CCND2: variants seen among roughly 807,000 people sequenced by gnomAD.
CCND2 encodes cyclin D2.
CCND2 carries 6 observed loss-of-function variants against 30.2 expected under a neutral mutation model. The ratio of observed to expected loss-of-function variants is 0.20; its 90% CI spans 0.11 to 0.39. CCND2 has a LOEUF of 0.39. Ranked by LOEUF, CCND2 falls within the 10% of genes least tolerant of loss-of-function variation. The pLI, the probability that CCND2 is intolerant of heterozygous loss-of-function variation, is 1.00. For missense variants in CCND2, 235 were observed against 373.4 expected (o/e 0.63, Z 3.06); for synonymous variants, 150 against 153.1 (o/e 0.98, Z 0.15).
chr12:4,299,935 C>A lies in CCND2; in HGVS notation c.796C>A (p.Arg266Ser). The change falls in exon 5 of 5, where the codon CGT (arginine) becomes AGT (serine). Residue 266 changes from arginine to serine, a missense_variant. Arg to Ser is a moderately radical substitution (Grantham distance 110, BLOSUM62 -1). Coordinates refer to ENST00000261254, the MANE Select transcript of CCND2 (RefSeq NM_001759.4). The surrounding 1 kb of genome is among the most constrained non-coding windows in gnomAD (Gnocchi z 5.2). The stretch of plus-strand genomic sequence containing the variant: ...CCTGCAGCAGTACCGTCAGGACCAA[C>A]GTGACGGATCCAAGTCGGAGGATGA... ...NSLQQYRQDQ[R>S]DGSKSEDELD... 6.2e-7 allele frequency: 1 copy of A among 1,614,136 alleles called. No individual in the cohort carries two copies. Among genetic ancestry groups the A allele is most frequent in the Non-Finnish European group, 8.5e-7 (1 of 1,180,014 alleles).
intron 4 of CCND2, among the ~76,000 whole-genome samples, chr12:4,296,819 A>G (rs1864176159): frequency 6.6e-6 from 1 of 152,246 alleles, no homozygotes; most frequent in Admixed American, 6.5e-5. Flanking sequence ...TTGCAAGAAA[A>G]AAAACAAAAC....
chr12:4,294,023 G>A (rs1591649808), intron 4 of CCND2, among the ~76,000 whole-genome samples: 1 of 152,300 alleles, frequency 6.6e-6, no homozygotes, highest in African/African-American at 2.4e-5. Flanking sequence ...AGTTGTCTCT[G>A]CCTGAGTTGG....
At chr12:4,279,495 C>T (rs1287268939) in intron 3 of CCND2, among the ~76,000 whole-genome samples, 1 of 151,548 alleles carries the variant, frequency 6.6e-6, no homozygotes, top group Non-Finnish European at 1.5e-5. Context: ...GGTTGGCTTT[C>T]GGTGAGGCTT....
intron 4 of CCND2, chr12:4,297,794 C>T (rs932110568): frequency 2.2e-6 from 1 of 445,792 alleles, no homozygotes; most frequent in Non-Finnish European, 4.5e-6. Context: ...AGGGATGTAA[C>T]CAGGAGATGC....
At position 4,285,329 on chromosome 12, in the gene CCND2, C is replaced by T. The variant is rs769890514; in HGVS notation, c.572-3513C>T. On this transcript the variant is annotated intron_variant, in intron 3 of 4. Coordinates refer to ENST00000261254, the MANE Select transcript of CCND2 (RefSeq NM_001759.4). The surrounding 1 kb of genome is among the most constrained non-coding windows in gnomAD (Gnocchi z 4.1). ...CTCACCTCTCCAGGTGGGCAATTAA[C>T]GATGGCGAGGGCACACCCTCACCCC... is the stretch of plus-strand genomic sequence containing the variant. 5.3e-5 allele frequency: 52 copies of T among 985,310 alleles called. 1 individual carries two copies. Among genetic ancestry groups the T allele is most frequent in the Middle Eastern group, 5.2e-4 (1 of 1,936 alleles). 61.0% of individuals were successfully genotyped at this position (985,310 alleles called of 1,614,324 possible).
In CCND2 at chr12:4,304,721, A is replaced by G. The variant is rs1864292996; in HGVS notation, c.*4712A>G. On this transcript the variant is annotated 3_prime_UTR_variant, in exon 5 of 5. Coordinates refer to ENST00000261254, the MANE Select transcript of CCND2 (RefSeq NM_001759.4). The surrounding 1 kb of genome is among the most constrained non-coding windows in gnomAD (Gnocchi z 6.2). ...GCCTGCATCCCTTCGCCTGCAGCCT[A>G]CTTTGGGGAAATAAAGTGCCTTACT... 1 of 233,548 alleles carries G rather than the reference A, an allele frequency of 4.3e-6. No homozygotes were observed. Among genetic ancestry groups the G allele is most frequent in the East Asian group, 6.0e-5 (1 of 16,600 alleles). 14.5% of individuals were successfully genotyped at this position (233,548 alleles called of 1,614,324 possible).
chr12:4,273,790 C>T lies in CCND2; in HGVS notation c.-251C>T, dbSNP rs544808099. On this transcript the variant is annotated 5_prime_UTR_variant, in exon 1 of 5. Coordinates refer to ENST00000261254, the MANE Select transcript of CCND2 (RefSeq NM_001759.4). This position sits in a 1 kb window ranked among gnomAD's most constrained non-coding sequence, Gnocchi z 5.9. ...GCGGAGAAGAGCGAGCAGGGGAGAGCGAGACCAGTTTTAAGGGGAGGACCG... is the reference window on the plus strand; with the variant it reads ...GCGGAGAAGAGCGAGCAGGGGAGAGTGAGACCAGTTTTAAGGGGAGGACCG... 10 of 560,842 alleles carry T rather than the reference C, an allele frequency of 1.8e-5. No homozygotes were observed. Among genetic ancestry groups the T allele is most frequent in the South Asian group, 4.5e-5 (2 of 44,116 alleles). 34.7% of individuals were successfully genotyped at this position (560,842 alleles called of 1,614,324 possible). A position where few individuals can be genotyped will look rare whatever the true frequency, so the allele number is the denominator to read the frequency against.
chr12:4,274,294 G>A lies in CCND2; in HGVS notation c.195+59G>A, dbSNP rs1320019086. 5 of 1,572,348 alleles carry A rather than the reference G, an allele frequency of 3.2e-6. No homozygotes were observed. In the African/African-American group the frequency reaches 5.4e-5, roughly 17 times the overall value. On this transcript the variant is annotated intron_variant, in intron 1 of 4. Coordinates refer to ENST00000261254, the MANE Select transcript of CCND2 (RefSeq NM_001759.4). The surrounding 1 kb of genome is among the most constrained non-coding windows in gnomAD (Gnocchi z 7.7). ...GACCCCTCCGGATGCTCGGGTCCCC[G>A]GCCGGAGCCCTAAACCTGGGAGAGG... is the stretch of plus-strand genomic sequence containing the variant.
intron 3 of CCND2, among the ~76,000 whole-genome samples, chr12:4,284,721 CT>C (rs545047517): frequency 2.9e-4 from 42 of 144,158 alleles, no homozygotes; most frequent in African/African-American, 4.4e-4. Context: ...AGCCTCCTTT[CT>C]TTTTTTTTTT....
rs1423924974 is a variant in CCND2 at position 4,299,742 on chromosome 12, T to G, written c.721-118T>G. The G allele has an allele frequency of 9.6e-7, 1 of 1,039,172 alleles. No individual in the cohort carries two copies. Among genetic ancestry groups the G allele is most frequent in the Non-Finnish European group, 1.4e-6 (1 of 715,776 alleles). The allele number at this position is 1,039,172 out of a possible 1,614,324, so 64.4% of individuals were successfully genotyped here. On this transcript the variant is annotated intron_variant, in intron 4 of 4. Transcript: ENST00000261254. The surrounding 1 kb of genome is among the most constrained non-coding windows in gnomAD (Gnocchi z 5.2). ...AGAACATCCCTCCTTTACTTCACAT[T>G]TATTTCTACTGGAAACTAGCACAGA...
At chr12:4,297,964 C>T (rs140566901) in intron 4 of CCND2, 3 of 302,274 alleles carry the variant, frequency 9.9e-6, no homozygotes, top group Non-Finnish European at 2.1e-5. Context: ...TTGTCAGGAT[C>T]TTGACACACG....
chr12:4,281,410 T>G (rs1020421309), intron 3 of CCND2, among the ~76,000 whole-genome samples: 3 of 152,192 alleles, frequency 2.0e-5, no homozygotes, highest in African/African-American at 7.2e-5. Flanking sequence ...GGCCAGGGTG[T>G]GATGAATGGG....
At chr12:4,278,101 A>G (rs1166720310) in intron 2 of CCND2, among the ~76,000 whole-genome samples, 1 of 152,234 alleles carries the variant, frequency 6.6e-6, no homozygotes, top group East Asian at 1.9e-4. Context: ...GCTAATGACC[A>G]TGTGGTCCTT....
rs1847437395 is a variant in CCND2 at position 4,285,359 on chromosome 12, C to T, written c.572-3483C>T. Reference sequence around the variant, plus strand: ...GCGAGGGCACACCCTCACCCCTGAGCGTGCCTTCTGCACCAGCATATTGCT... The same window carrying T: ...GCGAGGGCACACCCTCACCCCTGAGTGTGCCTTCTGCACCAGCATATTGCT... On this transcript the variant is annotated intron_variant, in intron 3 of 4. Coordinates refer to ENST00000261254, the MANE Select transcript of CCND2 (RefSeq NM_001759.4). The surrounding 1 kb of genome is among the most constrained non-coding windows in gnomAD (Gnocchi z 4.1). 1.0e-6 allele frequency: 1 copy of T among 985,334 alleles called. No homozygotes were observed. The highest frequency in any genetic ancestry group is 1.2e-6 in the Non-Finnish European group (1 of 829,814). The allele number at this position is 985,334 out of a possible 1,614,324, so 61.0% of individuals were successfully genotyped here.
Position 4,282,908 on chromosome 12 carries a change from C to A in CCND2, c.571+3989C>A, listed in dbSNP as rs1042776966. 6.6e-6 allele frequency among the ~76,000 whole-genome samples: 1 copy of A among 152,208 alleles called. No homozygotes were observed. The highest frequency in any genetic ancestry group is 2.4e-5 in the African/African-American group (1 of 41,454). ...ACTCTGGTTCTGGCCCTTTGAACTT[C>A]CACCTGACTGCAGGTTGGAGAAGAG... is the stretch of plus-strand genomic sequence containing the variant. On this transcript the variant is annotated intron_variant, in intron 3 of 4. Transcript: ENST00000261254. This position sits in a 1 kb window ranked among gnomAD's most constrained non-coding sequence, Gnocchi z 4.3.
chr12:4,295,461 C>G (rs1864156524), intron 4 of CCND2, among the ~76,000 whole-genome samples: 1 of 152,130 alleles, frequency 6.6e-6, no homozygotes, highest in African/African-American at 2.4e-5. Context: ...CTTTTATCTT[C>G]CAGTCAGAGG....
chr12:4,303,659 C>T lies in CCND2; in HGVS notation c.*3650C>T, dbSNP rs1055119004. 5 of 233,522 alleles carry T rather than the reference C, an allele frequency of 2.1e-5. No homozygotes were observed. In the East Asian group the frequency reaches 2.4e-4, roughly 11 times the overall value. 14.5% of individuals were successfully genotyped at this position (233,522 alleles called of 1,614,324 possible). On this transcript the variant is annotated 3_prime_UTR_variant, in exon 5 of 5. Transcript: ENST00000261254. The surrounding 1 kb of genome is among the most constrained non-coding windows in gnomAD (Gnocchi z 4.6). ...ATGCTAAGCATAATTAAACTCCATG[C>T]GGGTCCATAACAGCCAAGAAGCCTG...
rs955456167 is a variant in CCND2 at position 4,293,063 on chromosome 12, A to AGGC, written c.720+4074_720+4076dup. Among the ~76,000 whole-genome samples, 1 of 152,264 alleles carries AGGC rather than the reference A, an allele frequency of 6.6e-6. No homozygotes were observed. Among genetic ancestry groups the AGGC allele is most frequent in the Non-Finnish European group, 1.5e-5 (1 of 68,042 alleles). On this transcript the variant is annotated intron_variant, in intron 4 of 4. Coordinates refer to ENST00000261254, the MANE Select transcript of CCND2 (RefSeq NM_001759.4). This position sits in a 1 kb window ranked among gnomAD's most constrained non-coding sequence, Gnocchi z 4.9. ...GAAGGAAGGAGCAAAGGACAAAGGC[A>AGGC]GGCAGATGGGTTTCCAGTGGGTTTC...
At chr12:4,289,998 A>AG (rs1864076403) in intron 4 of CCND2, among the ~76,000 whole-genome samples, 1 of 148,900 alleles carries the variant, frequency 6.7e-6, no homozygotes. Context: ...ATGCATCACC[A>AG]TGGAGAGGCT....
Sources: gnomAD v4.1 joint callset for allele counts (sites outside exome capture counted in the v4.1 genomes callset) on GRCh38, gnomAD v4.1.1 for gene constraint, Gnocchi (gnomAD v3.1) non-coding constraint, MANE v1.5 for transcripts, NCBI Gene and HGNC (gene_info 2026-07-23, HGNC 2026-07-21) for gene names.